Variants in SLC7A2 observed in about 807,000 individuals in gnomAD.
The protein encoded by SLC7A2 is cationic amino acid transporter 2.
In SLC7A2, 48 loss-of-function variants were observed where a neutral mutation model predicts 58.9. That is an observed-to-expected ratio of 0.82 (90% CI 0.65 to 1.04). The LOEUF (loss-of-function observed/expected upper bound fraction) is 1.04, where lower values mean the gene tolerates loss of function less well. SLC7A2 is among the 50% of genes least tolerant of loss of function. The probability of loss-of-function intolerance (pLI) is 0.00; values close to 1 mark genes in which losing one functional copy is unlikely to be tolerated. For missense variants in SLC7A2, 1,029 were observed against 818.8 expected (o/e 1.26, Z -3.13); for synonymous variants, 363 against 314.5 (o/e 1.15, Z -1.63).
intron 2 of SLC7A2, among the ~76,000 whole-genome samples, chr8:17,517,080 T>A (rs1198912372): frequency 1.3e-5 from 2 of 152,202 alleles, no homozygotes; most frequent in Non-Finnish European, 2.9e-5. Context: ...AAATGATGTA[T>A]TAAATATGGA....
intron 9 of SLC7A2, among the ~76,000 whole-genome samples, chr8:17,558,742 G>A (rs79747276): frequency 0.031 from 4,675 of 152,192 alleles, 231 homozygotes; most frequent in African/African-American, 0.11. Context: ...TGTATGTAAA[G>A]GATGTTTCTG....
chr8:17,556,421 C>T (rs1391321031), intron 8 of SLC7A2, among the ~76,000 whole-genome samples: 5 of 151,944 alleles, frequency 3.3e-5, no homozygotes, highest in Non-Finnish European at 5.9e-5. Flanking sequence ...TTATAATAGA[C>T]CACTTTTTAA....
Position 17,558,302 on chromosome 8 carries a change from G to A in SLC7A2, c.1203G>A (p.Met401Ile). ...CTTTTCTTCTCCCCCTAGCTTTGAT[G>A]GCCTTTCTGTTTGACCTGAAGGCGC... is the stretch of plus-strand genomic sequence containing the variant. Reference protein sequence around the residue: ...TLSSGAVAALMAFLFDLKALV... With the variant: ...TLSSGAVAALIAFLFDLKALV... Residue 401 changes from methionine to isoleucine, a missense_variant, in exon 9 of 13, where the codon ATG (methionine) becomes ATA (isoleucine). Transcript: ENST00000494857. 3 of 1,609,932 alleles carry A rather than the reference G, an allele frequency of 1.9e-6. No individual in the cohort carries two copies. The highest frequency in any genetic ancestry group is 1.7e-4 in the Middle Eastern group (1 of 6,052).
chr8:17,531,190 A>G (rs1052829960), intron 2 of SLC7A2, among the ~76,000 whole-genome samples: 2 of 152,182 alleles, frequency 1.3e-5, no homozygotes, highest in East Asian at 3.9e-4. Context: ...GGTCAGATGA[A>G]ACTCCTCTTT....
Position 17,543,083 on chromosome 8 carries a change from G to A in SLC7A2, c.-22-235G>A, listed in dbSNP as rs2517251. ...AGCCATTTATTGCAGTCTCTTATAA[G>A]GGGACGTGTATGCTACAGGAAATTG... is the stretch of plus-strand genomic sequence containing the variant. On this transcript the variant is annotated intron_variant, in intron 2 of 12. Transcript: ENST00000494857. Among the ~76,000 whole-genome samples the A allele has an allele frequency of 0.95, 144,688 of 152,166 alleles. 68,873 individuals carry two copies. Among genetic ancestry groups the A allele is most frequent in the East Asian group, 1 (5,180 of 5,180 alleles).
intron 9 of SLC7A2, 151 bp from the exon 10 acceptor site, chr8:17,560,177 C>G (rs1259342981): frequency 1.6e-6 from 1 of 631,130 alleles, no homozygotes; most frequent in Non-Finnish European, 2.9e-6. Context: ...TGTGTCCTGG[C>G]TCAGCATGCT....
At chr8:17,545,983 G>C (rs148441598) in intron 4 of SLC7A2, among the ~76,000 whole-genome samples, 7 of 152,298 alleles carry the variant, frequency 4.6e-5, no homozygotes, top group African/African-American at 1.7e-4. Flanking sequence ...CATACGGATA[G>C]GGATAAGAAC....
intron 2 of SLC7A2, among the ~76,000 whole-genome samples, chr8:17,532,268 A>G (rs963734716): frequency 8.2e-6 from 1 of 121,944 alleles, no homozygotes; most frequent in Non-Finnish European, 1.8e-5. Flanking sequence ...AACCCCAGCA[A>G]TTCTAGGGAG....
rs1281980359 is a variant in SLC7A2, at chr8:17,503,448, C to A, written c.-23+1146C>A. Among the ~76,000 whole-genome samples the A allele has an allele frequency of 2.0e-5, 3 of 152,296 alleles. No individual in the cohort carries two copies. The East Asian group carries it at 5.8e-4, about 29-fold the overall frequency. ...TCCTGAAATTCACTTTATATTCACT[C>A]CCGCGGTGTTCCTTATCTGTTCTAG... is the stretch of plus-strand genomic sequence containing the variant. On this transcript the variant is annotated intron_variant, in intron 2 of 12. Transcript: ENST00000494857.
chr8:17,542,326 T>A (rs1051229545), intron 2 of SLC7A2, among the ~76,000 whole-genome samples: 3 of 152,182 alleles, frequency 2.0e-5, no homozygotes, highest in African/African-American at 7.2e-5. Flanking sequence ...CTACACATAT[T>A]CCCAGCACAA....
At chr8:17,527,714 G>A (rs1585211702) in intron 2 of SLC7A2, among the ~76,000 whole-genome samples, 2 of 152,108 alleles carry the variant, frequency 1.3e-5, no homozygotes, top group East Asian at 3.9e-4. Flanking sequence ...CATTCTTCGT[G>A]TGTCTCACAT....
chr8:17,528,290 A>C (rs1383647538), intron 2 of SLC7A2, among the ~76,000 whole-genome samples: 4 of 152,202 alleles, frequency 2.6e-5, no homozygotes, highest in African/African-American at 7.2e-5. Flanking sequence ...ATTAGGCTTT[A>C]TATTTGCCTC....
intron 11 of SLC7A2, 70 bp downstream of exon 11, chr8:17,562,180 A>AGTTTTTTTTTTTTTTTT (rs1803039017): frequency 1.8e-6 from 1 of 547,486 alleles, no homozygotes; most frequent in Non-Finnish European, 2.5e-6. Flanking sequence ...TTTGGTAAGT[A>AGTTTTTTTTTTTTTTTT]TTTTTTTTTT....
chr8:17,539,637 G>T (rs1239791635), intron 2 of SLC7A2, among the ~76,000 whole-genome samples: 2 of 152,246 alleles, frequency 1.3e-5, no homozygotes, highest in South Asian at 2.1e-4. Flanking sequence ...TGTGAGTTTT[G>T]TATGGGCCAC....
At chr8:17,551,222 C>T (rs1802434954) in intron 6 of SLC7A2, among the ~76,000 whole-genome samples, 1 of 152,158 alleles carries the variant, frequency 6.6e-6, no homozygotes, top group South Asian at 2.1e-4. Flanking sequence ...AACTGACTGG[C>T]ATGACTTCTC....
rs1243488125 is a variant in SLC7A2, at chr8:17,566,621, C to G, written c.*1475C>G. On this transcript the variant is annotated 3_prime_UTR_variant, in exon 13 of 13. Coordinates refer to ENST00000494857, the MANE Select transcript of SLC7A2 (RefSeq NM_001370338.1). ...TTTAAAACTGGAAACTAAAAAGAAT[C>G]AAATTGAATTAAAGCTATATAAACA... 1 of 151,742 alleles carries G rather than the reference C, an allele frequency of 6.6e-6. No individual in the cohort carries two copies. The highest frequency in any genetic ancestry group is 1.5e-5 in the Non-Finnish European group (1 of 68,002). The allele number at this position is 151,742 out of a possible 1,614,324, so 9.4% of individuals were successfully genotyped here.
intron 12 of SLC7A2, among the ~76,000 whole-genome samples, chr8:17,564,738 A>G (rs1803182675): frequency 6.6e-6 from 1 of 152,150 alleles, no homozygotes; most frequent in African/African-American, 2.4e-5. Context: ...AATACACTGT[A>G]AATACTAGAG....
At chr8:17,553,446 A>G (rs982674329) in intron 7 of SLC7A2, among the ~76,000 whole-genome samples, 3 of 152,188 alleles carry the variant, frequency 2.0e-5, no homozygotes, top group Non-Finnish European at 2.9e-5. Context: ...ACAAAGATTC[A>G]TCTATGGCCA....
chr8:17,565,112 C>T lies in SLC7A2; in HGVS notation c.1943C>T (p.Pro648Leu). ...CATCACCCAAGAAATCTCAGTTCAC[C>T]TTTCATATTCCATGAAAAGACAAGT... ...NDHHPRNLSS[P>L]FIFHEKTSEF is the part of the protein sequence containing the mutation. Residue 648 changes from proline (P) to leucine (L), a missense_variant, in exon 13 of 13, where the codon CCT becomes CTT. Transcript: ENST00000494857. 1 of 1,613,146 alleles carries T rather than the reference C, an allele frequency of 6.2e-7. No homozygotes were observed. Among genetic ancestry groups the T allele is most frequent in the Non-Finnish European group, 8.5e-7 (1 of 1,179,698 alleles).
Sources: gnomAD v4.1 joint callset for allele counts (sites outside exome capture counted in the v4.1 genomes callset) on GRCh38, gnomAD v4.1.1 for gene constraint, MANE v1.5 for transcripts, NCBI Gene and HGNC (gene_info 2026-07-23, HGNC 2026-07-21) for gene names.